Variants in CCR8 observed in about 807,000 individuals in gnomAD.
CCR8 encodes the protein C-C motif chemokine receptor 8.
For missense variants in CCR8, 358 were observed against 417.5 expected, an observed-to-expected ratio of 0.86 and a Z score of 1.24; for synonymous variants, 156 against 165.7, an observed-to-expected ratio of 0.94 and a Z score of 0.45.
chr3:39,332,903 C>G lies in CCR8; in HGVS notation c.572C>G (p.Thr191Ser). 1 of 1,614,112 alleles carries G rather than the reference C, an allele frequency of 6.2e-7. No homozygotes were observed. The highest frequency in any genetic ancestry group is 8.5e-7 in the Non-Finnish European group (1 of 1,179,970). ...TGTTATTCATTTTACAATCAACAGACTTTGAAGTGGAAGATCTTCACCAAC... is the reference window on the plus strand; with the variant it reads ...TGTTATTCATTTTACAATCAACAGAGTTTGAAGTGGAAGATCTTCACCAAC... ...LQCYSFYNQQ[T>S]LKWKIFTNFK... is the part of the protein sequence containing the mutation. Residue 191 changes from threonine (T) to serine (S), a missense_variant, in exon 2 of 2, where the codon ACT becomes AGT. By Grantham distance (58) the Thr-to-Ser change is moderately conservative (BLOSUM62 1). Coordinates refer to ENST00000326306, the MANE Select transcript of CCR8 (RefSeq NM_005201.4).
At position 39,332,554 on chromosome 3, in the gene CCR8, T is replaced by TTGAACCTGGCCCTGTC; in HGVS notation, c.227_242dup (p.Asp81GlufsTer6). 1 of 1,614,182 alleles carries TTGAACCTGGCCCTGTC rather than the reference T, an allele frequency of 6.2e-7. No homozygotes were observed. The highest frequency in any genetic ancestry group is 1.3e-5 in the African/African-American group (1 of 75,048). The stretch of plus-strand genomic sequence containing the variant: ...GAGGAGCATCACAGATGTATACCTC[T>TTGAACCTGGCCCTGTC]TGAACCTGGCCCTGTCTGACCTGCT... On this transcript the variant is annotated frameshift_variant, in exon 2 of 2. Coordinates refer to ENST00000326306, the MANE Select transcript of CCR8 (RefSeq NM_005201.4). LOFTEE classifies it low-confidence loss of function (END_TRUNC).
chr3:39,333,362 A>G lies in CCR8; in HGVS notation c.1031A>G (p.His344Arg), dbSNP rs1422901073. 1.2e-6 allele frequency: 2 copies of G among 1,613,846 alleles called. No individual in the cohort carries two copies. The highest frequency in any genetic ancestry group is 3.3e-5 in the Admixed American group (2 of 59,982). ...SCEKSSSCQQ[H>R]SSRSSSVDYI... ...GAAAAGTCATCATCCTGCCAGCAGC[A>G]CTCCTCCCGTTCCTCCAGCGTAGAC... Residue 344 changes from histidine to arginine, a missense_variant, in exon 2 of 2, where the codon CAC becomes CGC. Coordinates refer to ENST00000326306, the MANE Select transcript of CCR8 (RefSeq NM_005201.4).
chr3:39,330,610 T>C (rs1399033319), intron 1 of CCR8, among the ~76,000 whole-genome samples: 1 of 152,206 alleles, frequency 6.6e-6, no homozygotes, highest in Non-Finnish European at 1.5e-5. Context: ...TTATTCCTAG[T>C]AATGCTAGTA....
chr3:39,332,567 T>C lies in CCR8; in HGVS notation c.236T>C (p.Leu79Pro), dbSNP rs142109103. ...ITDVYLLNLA[L>P]SDLLFVFSFP... ...GATGTATACCTCTTGAACCTGGCCC[T>C]GTCTGACCTGCTTTTTGTCTTCTCC... The change falls in exon 2 of 2, where the codon CTG (leucine) becomes CCG (proline). Residue 79 changes from leucine to proline, a missense_variant. By Grantham distance (98) the Leu-to-Pro change is moderately conservative. Transcript: ENST00000326306. The C allele has an allele frequency of 6.2e-7, 1 of 1,614,186 alleles. No individual in the cohort carries two copies. Among genetic ancestry groups the C allele is most frequent in the East Asian group, 2.2e-5 (1 of 44,882 alleles).
intron 1 of CCR8, among the ~76,000 whole-genome samples, chr3:39,330,720 A>G (rs1377338676): frequency 1.3e-5 from 2 of 152,190 alleles, no homozygotes; most frequent in African/African-American, 4.8e-5. Flanking sequence ...TAAACTGATG[A>G]ATATCATGCA....
At position 39,333,492 on chromosome 3, in the gene CCR8, A is replaced by T; in HGVS notation, c.*93A>T. On this transcript the variant is annotated 3_prime_UTR_variant, in exon 2 of 2. Coordinates refer to ENST00000326306, the MANE Select transcript of CCR8 (RefSeq NM_005201.4). ...GTGGGTGTGAAAGGTTTCCAAAAAA[A>T]GTTCAGCATGAAGGATGCCATATAT... 1.0e-6 allele frequency: 1 copy of T among 960,952 alleles called. No individual in the cohort carries two copies. The highest frequency in any genetic ancestry group is 1.7e-5 in the South Asian group (1 of 58,276). 59.5% of individuals were successfully genotyped at this position (960,952 alleles called of 1,614,324 possible).
chr3:39,331,818 T>C (rs1311816657), intron 1 of CCR8, among the ~76,000 whole-genome samples: 1 of 108,250 alleles, frequency 9.2e-6, no homozygotes, highest in African/African-American at 2.8e-5. Context: ...TTTTTAATTT[T>C]AATTTTTTTT....
At position 39,330,506 on chromosome 3, in the gene CCR8, T is replaced by A. The variant is rs563869139; in HGVS notation, c.-15+677T>A. Reference sequence around the variant, plus strand: ...CAAACAAATGCCTTGGAAAAATATGTCTGGATTGAAATTGCATTGAATGTA... The same window carrying A: ...CAAACAAATGCCTTGGAAAAATATGACTGGATTGAAATTGCATTGAATGTA... On this transcript the variant is annotated intron_variant, in intron 1 of 1. Coordinates refer to ENST00000326306, the MANE Select transcript of CCR8 (RefSeq NM_005201.4). Among the ~76,000 whole-genome samples the A allele has an allele frequency of 2.6e-5, 4 of 152,308 alleles. No individual in the cohort carries two copies. In the South Asian group the frequency reaches 8.3e-4, roughly 32 times the overall value.
chr3:39,332,256 A>G, intron 1 of CCR8, 62 bp from the exon 2 acceptor site: 1 of 1,011,396 alleles, frequency 9.9e-7, no homozygotes. Flanking sequence ...ACATCCCCCT[A>G]ATTTTTAAAA....
In CCR8 at chr3:39,332,656, G is replaced by A. The variant is rs1372409035; in HGVS notation, c.325G>A (p.Val109Met). 2.5e-6 allele frequency: 4 copies of A among 1,614,004 alleles called. No individual in the cohort carries two copies. The highest frequency in any genetic ancestry group is 3.4e-6 in the Non-Finnish European group (4 of 1,180,018). The change falls in exon 2 of 2, where the codon GTG becomes ATG. Residue 109 changes from valine (V) to methionine (M), a missense_variant. By Grantham distance (21) the Val-to-Met change is conservative. Coordinates refer to ENST00000326306, the MANE Select transcript of CCR8 (RefSeq NM_005201.4). ...WVFGTVMCKV[V>M]SGFYYIGFYS... ...GTTTGGGACTGTAATGTGCAAAGTG[G>A]TGTCTGGCTTTTATTACATTGGCTT... is the stretch of plus-strand genomic sequence containing the variant.
chr3:39,333,255 G>A lies in CCR8; in HGVS notation c.924G>A (p.Lys308=). ...ATGCTTTTGTTGGGGAGAAGTTCAA[G>A]AAACACCTCTCAGAAATATTTCAGA... is the stretch of plus-strand genomic sequence containing the variant. The part of the protein sequence containing the change: ...VIYAFVGEKF[K]KHLSEIFQKS... Residue 308 remains lysine (K), a synonymous_variant, in exon 2 of 2, where the codon AAG becomes AAA. Transcript: ENST00000326306. 4.3e-6 allele frequency: 7 copies of A among 1,614,016 alleles called. No homozygotes were observed. Among genetic ancestry groups the A allele is most frequent in the Non-Finnish European group, 5.9e-6 (7 of 1,179,978 alleles).
At chr3:39,331,025 T>C (rs570523427) in intron 1 of CCR8, among the ~76,000 whole-genome samples, 1 of 140,646 alleles carries the variant, frequency 7.1e-6, no homozygotes, top group African/African-American at 2.7e-5. Flanking sequence ...AGAGAGGGAA[T>C]GAGGGAGGGA....
At chr3:39,331,376 G>A (rs989053924) in intron 1 of CCR8, among the ~76,000 whole-genome samples, 2 of 152,158 alleles carry the variant, frequency 1.3e-5, no homozygotes, top group Non-Finnish European at 2.9e-5. Context: ...TTTACTCCAT[G>A]CACAAGGGGA....
At chr3:39,332,267 A>G in intron 1 of CCR8, 51 bp from the exon 2 acceptor site, 2 of 1,138,430 alleles carry the variant, frequency 1.8e-6, no homozygotes, top group Non-Finnish European at 2.6e-6. Context: ...ATTTTTAAAA[A>G]ATAAAAATGT....
rs1240129646 is a variant in CCR8 at position 39,332,469 on chromosome 3, T to C, written c.138T>C (p.Phe46=). 6.2e-7 allele frequency: 1 copy of C among 1,614,146 alleles called. No homozygotes were observed. The highest frequency in any genetic ancestry group is 1.7e-5 in the Admixed American group (1 of 60,020). The change falls in exon 2 of 2, where the codon TTT becomes TTC. Residue 46 remains phenylalanine (F), a synonymous_variant. Transcript: ENST00000326306. The part of the protein sequence containing the change: ...LLLAVFYCLL[F]VFSLLGNSLV... ...TTGCTGTCTTTTATTGCCTCCTGTT[T>C]GTATTCAGTCTTCTGGGAAACAGCC...
intron 1 of CCR8, among the ~76,000 whole-genome samples, chr3:39,330,915 A>C (rs1177919408): frequency 6.6e-6 from 1 of 152,142 alleles, no homozygotes; most frequent in Non-Finnish European, 1.5e-5. Flanking sequence ...AATTGGTTTT[A>C]GTTGTTGTTT....
chr3:39,333,594 T>C lies in CCR8; in HGVS notation c.*195T>C. 1 of 583,232 alleles carries C rather than the reference T, an allele frequency of 1.7e-6. No individual in the cohort carries two copies. The highest frequency in any genetic ancestry group is 3.1e-6 in the Non-Finnish European group (1 of 322,904). The allele number at this position is 583,232 out of a possible 1,614,324, so 36.1% of individuals were successfully genotyped here. A position where few individuals can be genotyped will look rare whatever the true frequency, so the allele number is the denominator to read the frequency against. ...TGGCACAACATCAAGCCTGTGATTG[T>C]GTTTATTGATGATGTTGAACAAGTG... On this transcript the variant is annotated 3_prime_UTR_variant, in exon 2 of 2. Transcript: ENST00000326306.
chr3:39,331,823 T>TTC (rs1164447675), intron 1 of CCR8, among the ~76,000 whole-genome samples: 2 of 138,192 alleles, frequency 1.4e-5, no homozygotes, highest in East Asian at 4.1e-4. Context: ...AATTTTAATT[T>TTC]TTTTTTTTTT....
chr3:39,331,565 C>G (rs564060603), intron 1 of CCR8, among the ~76,000 whole-genome samples: 1 of 152,046 alleles, frequency 6.6e-6, no homozygotes, highest in South Asian at 2.1e-4. Context: ...TTCCTGGGTT[C>G]AAGAAATTGT....
Sources: allele counts gnomAD v4.1 joint callset (sites outside exome capture counted in the v4.1 genomes callset), GRCh38; gene constraint gnomAD v4.1.1; transcripts MANE v1.5; gene names NCBI Gene and HGNC (gene_info 2026-07-23, HGNC 2026-07-21).